BCL2: variants seen among roughly 807,000 people sequenced by gnomAD.
BCL2 encodes apoptosis regulator Bcl-2.
In BCL2, 1 loss-of-function variant was observed where a neutral mutation model predicts 14.2. The ratio of observed to expected loss-of-function variants is 0.07; its 90% confidence interval spans 0.02 to 0.33. BCL2 has a LOEUF of 0.33. BCL2 is among the 10% of genes least tolerant of loss of function. The pLI is 0.99. For synonymous variants in BCL2, 151 were observed against 137.2 expected, an observed-to-expected ratio of 1.10 and a Z score of -0.70; for missense variants, 247 against 305.9, an observed-to-expected ratio of 0.81 and a Z score of 1.44.
chr18:63,277,574 C>CT (rs11384331), intron 2 of BCL2, among the ~76,000 whole-genome samples: 85,885 of 135,016 alleles, frequency 0.64, 28,114 homozygotes, highest in Non-Finnish European at 0.75. Context: ...AGATCATGTC[C>CT]TTTTTTTTTT....
In BCL2 at chr18:63,187,389, T is replaced by C. The variant is rs1029856249; in HGVS notation, c.586-58630A>G. The stretch of plus-strand genomic sequence containing the variant: ...GGGACTCACAGCTGTACAGATGTAC[T>C]GTGTGCCCTTTTATCTCTCCCTTAT... On this transcript the variant is annotated intron_variant, in intron 2 of 2. Coordinates refer to ENST00000333681, the MANE Select transcript of BCL2 (RefSeq NM_000633.3). Among the ~76,000 whole-genome samples, 3 of 152,372 alleles carry C rather than the reference T, an allele frequency of 2.0e-5. No individual in the cohort carries two copies. The East Asian group carries it at 5.8e-4, about 29-fold the overall frequency.
At chr18:63,139,786 G>A (rs768262305) in intron 2 of BCL2, among the ~76,000 whole-genome samples, 1 of 152,126 alleles carries the variant, frequency 6.6e-6, no homozygotes, top group Admixed American at 6.5e-5. Context: ...GAGCTTCCGA[G>A]GGCCCTGCCT....
intron 2 of BCL2, among the ~76,000 whole-genome samples, chr18:63,142,350 A>T (rs1914388158): frequency 6.6e-6 from 1 of 152,230 alleles, no homozygotes; most frequent in Admixed American, 6.5e-5. Flanking sequence ...TGGTTAAGAA[A>T]TCAGCCTGGG....
At chr18:63,182,220 A>C (rs1302499588) in intron 2 of BCL2, among the ~76,000 whole-genome samples, 1 of 152,166 alleles carries the variant, frequency 6.6e-6, no homozygotes, top group African/African-American at 2.4e-5. Context: ...TAAATACTCC[A>C]GGCTGATTCT....
At chr18:63,219,147 C>A (rs1258134211) in intron 2 of BCL2, among the ~76,000 whole-genome samples, 1 of 152,144 alleles carries the variant, frequency 6.6e-6, no homozygotes, top group African/African-American at 2.4e-5. Flanking sequence ...CTGAACATAC[C>A]AGGCTTTTTC....
chr18:63,228,285 G>A (rs939272187), intron 2 of BCL2, among the ~76,000 whole-genome samples: 6 of 152,128 alleles, frequency 3.9e-5, no homozygotes, highest in South Asian at 4.2e-4. Context: ...GAGCTTCTGC[G>A]TATGAATTTT....
At chr18:63,284,806 C>T (rs1164664876) in intron 2 of BCL2, among the ~76,000 whole-genome samples, 2 of 146,518 alleles carry the variant, frequency 1.4e-5, no homozygotes, top group Admixed American at 7.0e-5. Context: ...GGGGTTTGGA[C>T]GGAGAGGAAC....
At chr18:63,255,938 T>C (rs1911463501) in intron 2 of BCL2, among the ~76,000 whole-genome samples, 1 of 152,196 alleles carries the variant, frequency 6.6e-6, no homozygotes, top group Admixed American at 6.5e-5. Flanking sequence ...GCATTAACAT[T>C]CTGAAAACTG....
At chr18:63,217,034 G>T (rs1910225727) in intron 2 of BCL2, among the ~76,000 whole-genome samples, 1 of 152,154 alleles carries the variant, frequency 6.6e-6, no homozygotes, top group South Asian at 2.1e-4. Flanking sequence ...AAGATTCTCT[G>T]ACTCGAGATG....
At chr18:63,179,156 T>C (rs1184039622) in intron 2 of BCL2, among the ~76,000 whole-genome samples, 1 of 152,172 alleles carries the variant, frequency 6.6e-6, no homozygotes, top group Non-Finnish European at 1.5e-5. Context: ...TTTCCTGCCC[T>C]TCACACACAA....
At chr18:63,233,259 A>G (rs1433336031) in intron 2 of BCL2, among the ~76,000 whole-genome samples, 1 of 152,262 alleles carries the variant, frequency 6.6e-6, no homozygotes, top group Non-Finnish European at 1.5e-5. Flanking sequence ...TCAGTTTATA[A>G]CAATATAACA....
chr18:63,268,892 C>T (rs192836917), intron 2 of BCL2, among the ~76,000 whole-genome samples: 19 of 152,214 alleles, frequency 1.2e-4, no homozygotes, highest in Admixed American at 9.8e-4. Context: ...AAACAGTACC[C>T]AATCCATGAA....
At chr18:63,218,760 C>CCCT (rs1910293608) in intron 2 of BCL2, among the ~76,000 whole-genome samples, 2 of 6,488 alleles carry the variant, frequency 3.1e-4, no homozygotes, top group Non-Finnish European at 8.5e-4. Context: ...CCACTCATCC[C>CCCT]CCTCTACTCA....
chr18:63,190,905 A>T (rs889402033), intron 2 of BCL2, among the ~76,000 whole-genome samples: 18 of 152,124 alleles, frequency 1.2e-4, no homozygotes, highest in Non-Finnish European at 8.8e-5. Context: ...CCCTGTGTCC[A>T]TGTGTTCTCA....
chr18:63,184,960 G>A (rs1480265775), intron 2 of BCL2, among the ~76,000 whole-genome samples: 3 of 152,106 alleles, frequency 2.0e-5, no homozygotes, highest in Admixed American at 2.0e-4. Context: ...GGGCATCTTG[G>A]TTCCACTCCT....
At chr18:63,180,280 G>T (rs749419642) in intron 2 of BCL2, among the ~76,000 whole-genome samples, 1 of 152,260 alleles carries the variant, frequency 6.6e-6, no homozygotes, top group Non-Finnish European at 1.5e-5. Context: ...CAGCTCCCTA[G>T]CCAAATGGGG....
intron 2 of BCL2, among the ~76,000 whole-genome samples, chr18:63,269,946 G>A (rs578031284): frequency 7.9e-5 from 12 of 152,218 alleles, no homozygotes; most frequent in African/African-American, 2.9e-4. Context: ...AAAGGAAAAT[G>A]CACAAACAGG....
At chr18:63,198,712 C>CACACACACACAG (rs1909550324) in intron 2 of BCL2, among the ~76,000 whole-genome samples, 2 of 136,662 alleles carry the variant, frequency 1.5e-5, no homozygotes, top group African/African-American at 5.6e-5. Flanking sequence ...CACACAGAGA[C>CACACACACACAG]ACACACACAC....
rs771616620 is a variant in BCL2 at position 63,128,846 on chromosome 18, G to GC, written c.586-88dup. 1.6e-4 allele frequency: 108 copies of GC among 658,502 alleles called. 1 individual carries two copies. Among genetic ancestry groups the GC allele is most frequent in the South Asian group, 4.9e-4 (28 of 56,868 alleles). 40.8% of individuals were successfully genotyped at this position (658,502 alleles called of 1,614,324 possible). On this transcript the variant is annotated intron_variant, in intron 2 of 2. Transcript: ENST00000333681. Reference sequence around the variant, plus strand: ...CACCCCACAGAGAAAGAGGCATCCTGCCAGGGCAGCCTGGGCACCTTCAGA... The same window carrying GC: ...CACCCCACAGAGAAAGAGGCATCCTGCCCAGGGCAGCCTGGGCACCTTCAGA...
Sources: allele counts gnomAD v4.1 joint callset (sites outside exome capture counted in the v4.1 genomes callset), GRCh38; gene constraint gnomAD v4.1.1; transcripts MANE v1.5; gene names NCBI Gene and HGNC (gene_info 2026-07-23, HGNC 2026-07-21).